Variants in RAB28 observed in about 807,000 individuals in gnomAD.
The protein encoded by RAB28 is ras-related protein Rab-28.
In RAB28, 24 loss-of-function variants were observed where a neutral mutation model predicts 31.7. The ratio of observed to expected loss-of-function variants is 0.76; its 90% CI spans 0.55 to 1.06. RAB28 has a LOEUF of 1.06. Ranked by LOEUF, RAB28 falls within the 50% of genes least tolerant of loss-of-function variation. The pLI is 0.00. For synonymous variants in RAB28, 100 were observed against 90.4 expected (o/e 1.11, Z -0.60); for missense variants, 254 against 258.5 (o/e 0.98, Z 0.12).
chr4:13,404,667 G>T (rs922791341), intron 4 of RAB28, among the ~76,000 whole-genome samples: 1 of 152,054 alleles, frequency 6.6e-6, no homozygotes, highest in Non-Finnish European at 1.5e-5. Flanking sequence ...TCAGTTCATT[G>T]TCTCAATATA....
At chr4:13,482,997 G>A (rs1716680304) in intron 1 of RAB28, among the ~76,000 whole-genome samples, 1 of 152,176 alleles carries the variant, frequency 6.6e-6, no homozygotes. Flanking sequence ...AAAAGCCTGG[G>A]TTTCTTTAGA....
At chr4:13,412,020 CAAA>C (rs1326578822) in intron 4 of RAB28, among the ~76,000 whole-genome samples, 1 of 119,962 alleles carries the variant, frequency 8.3e-6, no homozygotes, top group Non-Finnish European at 1.8e-5. Context: ...ATTCAAAAGT[CAAA>C]AAAAAAAAAA....
rs1214979061 is a variant in RAB28 at position 13,367,750 on chromosome 4, G to T, written c.*808C>A. The T allele has an allele frequency of 2.0e-6, 2 of 984,460 alleles. No homozygotes were observed. Among genetic ancestry groups the T allele is most frequent in the African/African-American group, 3.5e-5 (2 of 57,166 alleles). The allele number at this position is 984,460 out of a possible 1,614,324, so 61.0% of individuals were successfully genotyped here. A position where few individuals can be genotyped will look rare whatever the true frequency, so the allele number is the denominator to read the frequency against. On this transcript the variant is annotated 3_prime_UTR_variant, in exon 7 of 7. Coordinates refer to ENST00000330852, the MANE Select transcript of RAB28 (RefSeq NM_001017979.3). ...AATTTAAATAAGTTTATTTGTGAAA[G>T]AAAAACATCTGAACATCAGGTACAG...
At chr4:13,456,721 T>TTTTTTTTTTTTTTTTTTTTTTGAG (rs1715321193) in intron 4 of RAB28, among the ~76,000 whole-genome samples, 1 of 152,150 alleles carries the variant, frequency 6.6e-6, no homozygotes, top group African/African-American at 2.4e-5. Context: ...TAATTCATTT[T>TTTTTTTTTTTTTTTTTTTTTTGAG]AATAACTGTA....
intron 4 of RAB28, among the ~76,000 whole-genome samples, chr4:13,446,176 C>A (rs1420976787): frequency 6.6e-6 from 1 of 152,200 alleles, no homozygotes. Flanking sequence ...GTCGGGAAAA[C>A]CGCCTACTAA....
intron 4 of RAB28, among the ~76,000 whole-genome samples, chr4:13,385,490 C>G (rs1424778502): frequency 6.6e-6 from 1 of 152,128 alleles, no homozygotes; most frequent in Non-Finnish European, 1.5e-5. Context: ...GCCCATAAGA[C>G]TAACAGACCT....
chr4:13,422,515 T>C (rs1018746733), intron 4 of RAB28, among the ~76,000 whole-genome samples: 5 of 152,108 alleles, frequency 3.3e-5, no homozygotes, highest in Admixed American at 2.6e-4. Context: ...CCATCAATGA[T>C]AGACCAGATT....
At chr4:13,457,892 T>A (rs1310495143) in intron 4 of RAB28, among the ~76,000 whole-genome samples, 1 of 152,064 alleles carries the variant, frequency 6.6e-6, no homozygotes, top group Non-Finnish European at 1.5e-5. Context: ...CTGAAAAAAA[T>A]TAAAACAAAT....
intron 6 of RAB28, chr4:13,371,492 G>A: frequency 1.0e-6 from 1 of 985,100 alleles, no homozygotes; most frequent in Non-Finnish European, 1.2e-6. Context: ...AAAACATTTT[G>A]GTCCAAGTAC....
At chr4:13,391,371 G>A (rs1054414624) in intron 4 of RAB28, among the ~76,000 whole-genome samples, 5 of 152,170 alleles carry the variant, frequency 3.3e-5, no homozygotes, top group African/African-American at 1.2e-4. Context: ...TCTCACACCA[G>A]TTAGAATGGC....
intron 4 of RAB28, among the ~76,000 whole-genome samples, chr4:13,424,220 T>G (rs533336846): frequency 2.0e-5 from 3 of 152,320 alleles, no homozygotes; most frequent in Admixed American, 1.3e-4. Context: ...CTGTGTGGCT[T>G]AAACCAACAG....
intron 4 of RAB28, among the ~76,000 whole-genome samples, chr4:13,449,279 A>G (rs1285517333): frequency 1.3e-5 from 2 of 151,972 alleles, no homozygotes; most frequent in Non-Finnish European, 2.9e-5. Context: ...TTACAGATAA[A>G]GAATTTTTGA....
chr4:13,468,014 T>C (rs988401904), intron 3 of RAB28, among the ~76,000 whole-genome samples: 1 of 151,782 alleles, frequency 6.6e-6, no homozygotes, highest in Non-Finnish European at 1.5e-5. Flanking sequence ...ATAAGGAAAA[T>C]TAACAAGTTT....
intron 4 of RAB28, among the ~76,000 whole-genome samples, chr4:13,442,402 T>C (rs1478973859): frequency 3.3e-5 from 5 of 151,578 alleles, no homozygotes; most frequent in African/African-American, 7.3e-5. Flanking sequence ...TAAAAATTCA[T>C]GGCAATAGCA....
At chr4:13,381,816 C>A (rs1166900778) in intron 4 of RAB28, among the ~76,000 whole-genome samples, 1 of 151,852 alleles carries the variant, frequency 6.6e-6, no homozygotes, top group Non-Finnish European at 1.5e-5. Flanking sequence ...GATAATTAAT[C>A]TATGTATAAT....
chr4:13,448,912 A>AAGCAGCAGCAGCAGCAGC (rs371746319), intron 4 of RAB28, among the ~76,000 whole-genome samples: 50 of 151,730 alleles, frequency 3.3e-4, no homozygotes, highest in African/African-American at 1.2e-3. Flanking sequence ...AAAAAAGAAA[A>AAGCAGCAGCAGCAGCAGC]AGCAGCAGCA....
At chr4:13,454,323 C>T (rs922974470) in intron 4 of RAB28, among the ~76,000 whole-genome samples, 3 of 152,064 alleles carry the variant, frequency 2.0e-5, no homozygotes, top group African/African-American at 4.8e-5. Context: ...CCACTTCTGG[C>T]ATTTTGTATA....
intron 3 of RAB28, among the ~76,000 whole-genome samples, chr4:13,468,798 A>G (rs78505420): frequency 0.055 from 8,396 of 151,538 alleles, 528 homozygotes; most frequent in African/African-American, 0.16. Context: ...AAAAAAAAAG[A>G]TCAATAAAAT....
intron 3 of RAB28, among the ~76,000 whole-genome samples, chr4:13,463,574 G>GA (rs1715702590): frequency 6.6e-6 from 1 of 152,132 alleles, no homozygotes; most frequent in Admixed American, 6.6e-5. Flanking sequence ...CTCTTTTCAG[G>GA]AAAAATCTGC....
Sources: gnomAD v4.1 joint callset for allele counts (sites outside exome capture counted in the v4.1 genomes callset) on GRCh38, gnomAD v4.1.1 for gene constraint, MANE v1.5 for transcripts, NCBI Gene and HGNC (gene_info 2026-07-23, HGNC 2026-07-21) for gene names.